Variants in MYT1L observed in about 807,000 individuals in gnomAD.
MYT1L encodes the protein myelin transcription factor 1-like protein.
In MYT1L, 12 loss-of-function variants were observed where a neutral mutation model predicts 126.7. That is an observed-to-expected ratio of 0.09 (90% confidence interval 0.06 to 0.15). The LOEUF (loss-of-function observed/expected upper bound fraction) is 0.15, where lower values mean the gene tolerates loss of function less well. MYT1L is among the 10% of genes least tolerant of loss of function. The pLI, the probability that MYT1L is intolerant of heterozygous loss-of-function variation, is 1.00. For synonymous variants in MYT1L, 541 were observed against 604.2 expected (o/e 0.90, Z 1.53); for missense variants, 979 against 1,585.2 (o/e 0.62, Z 6.49).
At chr2:2,116,714 C>T (rs906062633) in intron 3 of MYT1L, among the ~76,000 whole-genome samples, 1 of 152,236 alleles carries the variant, frequency 6.6e-6, no homozygotes, top group African/African-American at 2.4e-5. Context: ...GAAGATCCGC[C>T]CCCGGGAAAG....
At chr2:2,155,954 G>C (rs554117020) in intron 3 of MYT1L, among the ~76,000 whole-genome samples, 1 of 152,214 alleles carries the variant, frequency 6.6e-6, no homozygotes, top group South Asian at 2.1e-4. Context: ...CATATGAAAA[G>C]GAGATGGGAT....
At position 1,943,955 on chromosome 2, in the gene MYT1L, G is replaced by A. The variant is rs183545153; in HGVS notation, c.153-621C>T. Among the ~76,000 whole-genome samples the A allele has an allele frequency of 6.6e-6, 1 of 152,254 alleles. No individual in the cohort carries two copies. Among genetic ancestry groups the A allele is most frequent in the Admixed American group, 6.5e-5 (1 of 15,298 alleles). ...CTGCAGAACTTCCTCAGTCTTAGAT[G>A]TTATTAGTCCCACGCCAGCATTCCA... is the stretch of plus-strand genomic sequence containing the variant. On this transcript the variant is annotated intron_variant, in intron 8 of 24. Coordinates refer to ENST00000647738, the MANE Select transcript of MYT1L (RefSeq NM_001303052.2). The surrounding 1 kb of genome is among the most constrained non-coding windows in gnomAD (Gnocchi z 4.4).
intron 18 of MYT1L, among the ~76,000 whole-genome samples, chr2:1,859,776 C>T (rs761044536): frequency 3.9e-5 from 6 of 152,226 alleles, no homozygotes; most frequent in Admixed American, 1.3e-4. Context: ...AGCCGCCCTG[C>T]CCCCTGGCCC....
At chr2:1,994,269 C>T (rs1178406650) in intron 5 of MYT1L, among the ~76,000 whole-genome samples, 1 of 151,896 alleles carries the variant, frequency 6.6e-6, no homozygotes, top group Non-Finnish European at 1.5e-5. Context: ...GGTTCAGGCC[C>T]TGCTCCCTCC....
intron 23 of MYT1L, among the ~76,000 whole-genome samples, chr2:1,792,876 A>AAAAAAAAAAAAAG (rs1426074612): frequency 1.3e-5 from 2 of 150,550 alleles, no homozygotes; most frequent in Non-Finnish European, 3.0e-5. Flanking sequence ...TCTCACAAAA[A>AAAAAAAAAAAAAG]AAAAAAAAAA....
chr2:1,887,287 C>T lies in MYT1L; in HGVS notation c.2642+201G>A, dbSNP rs564623075. Among the ~76,000 whole-genome samples the T allele has an allele frequency of 6.6e-6, 1 of 152,164 alleles. No individual in the cohort carries two copies. The highest frequency in any genetic ancestry group is 2.4e-5 in the African/African-American group (1 of 41,428). On this transcript the variant is annotated intron_variant, in intron 17 of 24. Coordinates refer to ENST00000647738, the MANE Select transcript of MYT1L (RefSeq NM_001303052.2). The surrounding 1 kb of genome is among the most constrained non-coding windows in gnomAD (Gnocchi z 4.8). The stretch of plus-strand genomic sequence containing the variant: ...ATGCACGGGTTAAATGAAAATGACG[C>T]CCCCATCCGACAGAGCGTCACTGGG...
chr2:1,922,346 C>G lies in MYT1L; in HGVS notation c.1423G>C (p.Gly475Arg), dbSNP rs747816343. Residue 475 changes from glycine to arginine, a missense_variant, in exon 10 of 25, where the codon GGG (glycine) becomes CGG (arginine). By Grantham distance (125) the Gly-to-Arg change is moderately radical (BLOSUM62 -2). This residue lies in a region of MYT1L where 67 missense variants were observed against 80.3 expected (regional missense o/e 0.83). Coordinates refer to ENST00000647738, the MANE Select transcript of MYT1L (RefSeq NM_001303052.2). The surrounding 1 kb of genome is among the most constrained non-coding windows in gnomAD (Gnocchi z 7.4). ...YEDQSPRQLPGEDRKPKSSDS... is the reference protein window; with the variant it reads ...YEDQSPRQLPREDRKPKSSDS... ...CTGGATTTAGGCTTTCTGTCCTCCC[C>G]GGGAAGTTGTCTCGGAGACTGGTCC... 6.2e-7 allele frequency: 1 copy of G among 1,613,948 alleles called. No homozygotes were observed. The highest frequency in any genetic ancestry group is 1.1e-5 in the South Asian group (1 of 91,078).
At position 2,092,779 on chromosome 2, in the gene MYT1L, C is replaced by G. The variant is rs141977078; in HGVS notation, c.-303-38656G>C. On this transcript the variant is annotated intron_variant, in intron 3 of 24. Transcript: ENST00000647738. ...CACTTAGAAACACTAGACAGAACCA[C>G]AGCACTGCACTTGGGGGCTGTTGTA... 1.2e-3 allele frequency among the ~76,000 whole-genome samples: 176 copies of G among 152,340 alleles called. 1 individual carries two copies. Among genetic ancestry groups the G allele is most frequent in the African/African-American group, 3.6e-3 (150 of 41,574 alleles).
At chr2:1,883,256 C>A (rs1384160570) in intron 18 of MYT1L, among the ~76,000 whole-genome samples, 1 of 152,236 alleles carries the variant, frequency 6.6e-6, no homozygotes, top group East Asian at 1.9e-4. Flanking sequence ...CTCTTAAGAG[C>A]CAATTCTCTG....
chr2:2,163,846 T>C (rs2088506627), intron 3 of MYT1L, among the ~76,000 whole-genome samples: 1 of 151,978 alleles, frequency 6.6e-6, no homozygotes, highest in African/African-American at 2.4e-5. Context: ...GCCCAGGAAA[T>C]TGTTAGTGGT....
intron 2 of MYT1L, among the ~76,000 whole-genome samples, chr2:2,211,422 T>A (rs1354070853): frequency 6.6e-6 from 1 of 152,126 alleles, no homozygotes; most frequent in Non-Finnish European, 1.5e-5. Flanking sequence ...TTTAAAAAAA[T>A]TCTGTTAGTA....
At chr2:2,148,985 T>C (rs1160949020) in intron 3 of MYT1L, among the ~76,000 whole-genome samples, 1 of 152,186 alleles carries the variant, frequency 6.6e-6, no homozygotes, top group Non-Finnish European at 1.5e-5. Context: ...TTACAAGCCT[T>C]GCTCTTATTC....
chr2:2,276,704 G>C (rs1433730887), intron 2 of MYT1L, among the ~76,000 whole-genome samples: 1 of 152,106 alleles, frequency 6.6e-6, no homozygotes, highest in Admixed American at 6.5e-5. Flanking sequence ...ATTTTAGACT[G>C]AGGGACCCTT....
chr2:2,197,920 C>T (rs1297382615), intron 2 of MYT1L, among the ~76,000 whole-genome samples: 2 of 151,218 alleles, frequency 1.3e-5, no homozygotes, highest in Non-Finnish European at 2.9e-5. Flanking sequence ...ATATAACATA[C>T]ACACATATAT....
chr2:1,973,791 C>T (rs1196311123), intron 8 of MYT1L, among the ~76,000 whole-genome samples: 1 of 152,184 alleles, frequency 6.6e-6, no homozygotes, highest in East Asian at 1.9e-4. Context: ...TTCCCCTGCT[C>T]AGGTGTCTGC....
chr2:2,199,492 T>C (rs903031038), intron 2 of MYT1L, among the ~76,000 whole-genome samples: 1 of 152,034 alleles, frequency 6.6e-6, no homozygotes, highest in Non-Finnish European at 1.5e-5. Flanking sequence ...CCCGAGTCAA[T>C]GGGAGAGGGA....
chr2:2,130,738 T>C (rs1054321333), intron 3 of MYT1L, among the ~76,000 whole-genome samples: 2 of 152,186 alleles, frequency 1.3e-5, no homozygotes, highest in African/African-American at 2.4e-5. Context: ...TGTGTCAACA[T>C]AGATGCTTTT....
At chr2:1,969,211 G>A (rs72767319) in intron 8 of MYT1L, among the ~76,000 whole-genome samples, 31,390 of 152,116 alleles carry the variant, frequency 0.21, 3,480 homozygotes, top group East Asian at 0.31. Flanking sequence ...GCTGGGCCCC[G>A]GCGGGGGATG....
intron 2 of MYT1L, among the ~76,000 whole-genome samples, chr2:2,269,815 T>A (rs760886691): frequency 6.6e-6 from 1 of 152,178 alleles, no homozygotes; most frequent in African/African-American, 2.4e-5. Context: ...TCACAGTGGG[T>A]CCATTTGCAT....
Sources: allele counts gnomAD v4.1 joint callset (sites outside exome capture counted in the v4.1 genomes callset), GRCh38; gene constraint gnomAD v4.1.1; regional missense constraint gnomAD v4.1.1; non-coding constraint Gnocchi (gnomAD v3.1); transcripts MANE v1.5; gene names NCBI Gene and HGNC (gene_info 2026-07-23, HGNC 2026-07-21).